The following SLC24A2 variants were observed in gnomAD, a reference collection of about 807,000 sequenced individuals.
SLC24A2 encodes the protein solute carrier family 24 member 2.
In SLC24A2, 36 loss-of-function variants were observed where a neutral mutation model predicts 62.0. That is an observed-to-expected ratio of 0.58 (90% CI 0.44 to 0.77). SLC24A2 has a LOEUF of 0.77. SLC24A2 is among the 30% of genes least tolerant of loss of function. SLC24A2 has a pLI of 0.00. For synonymous variants in SLC24A2, 358 were observed against 294.0 expected (o/e 1.22, Z -2.23); for missense variants, 846 against 817.9 (o/e 1.03, Z -0.42).
rs1487837294 is a variant in SLC24A2 at position 19,568,902 on chromosome 9, T to C, written c.1347+4449A>G. Among the ~76,000 whole-genome samples, 3 of 152,318 alleles carry C rather than the reference T, an allele frequency of 2.0e-5. No homozygotes were observed. In the East Asian group the frequency reaches 5.8e-4, roughly 29 times the overall value. ...TGGAAGTAAGTAACATGACTAGTTA[T>C]TTGACAGCATTCCAAGCAAATGTTT... On this transcript the variant is annotated intron_variant, in intron 7 of 10. Coordinates refer to ENST00000341998, the MANE Select transcript of SLC24A2 (RefSeq NM_020344.4).
the SLC24A2 span, among the ~76,000 whole-genome samples, chr9:20,056,988 G>A: frequency 1.1e-4 from 16 of 152,272 alleles, no homozygotes; most frequent in South Asian, 2.1e-4. Flanking sequence ...GAGAAATTCT[G>A]TCTCCCTAAA....
the SLC24A2 span, among the ~76,000 whole-genome samples, chr9:19,811,316 G>A: frequency 3.3e-5 from 5 of 152,102 alleles, no homozygotes. Context: ...CTGTTTAGAA[G>A]CTACCCAGTC....
the SLC24A2 span, among the ~76,000 whole-genome samples, chr9:20,295,311 G>T: frequency 6.6e-6 from 1 of 152,106 alleles, no homozygotes; most frequent in South Asian, 2.1e-4. Context: ...TGTACACAGA[G>T]CTGCATCATA....
the SLC24A2 span, among the ~76,000 whole-genome samples, chr9:19,939,436 A>G: frequency 1.3e-5 from 2 of 152,248 alleles, no homozygotes; most frequent in Admixed American, 1.3e-4. Context: ...GATTCTAAAC[A>G]TATTTAAACA....
the SLC24A2 span, among the ~76,000 whole-genome samples, chr9:20,041,177 C>T: frequency 3.0e-3 from 447 of 149,564 alleles, no homozygotes; most frequent in Non-Finnish European, 4.9e-3. Flanking sequence ...CACGTGTGCG[C>T]GCAGAAGCAT....
intron 2 of SLC24A2, among the ~76,000 whole-genome samples, chr9:19,759,103 T>C (rs192519461): frequency 6.6e-6 from 1 of 152,316 alleles, no homozygotes; most frequent in East Asian, 1.9e-4. Flanking sequence ...TCCTGCTGTT[T>C]ACAAAGAAGA....
chr9:20,009,352 T>G, the SLC24A2 span, among the ~76,000 whole-genome samples: 1 of 148,124 alleles, frequency 6.8e-6, no homozygotes, highest in East Asian at 2.1e-4. Flanking sequence ...GTTGCTGCAT[T>G]CTAGCCTGGG....
the SLC24A2 span, among the ~76,000 whole-genome samples, chr9:19,997,364 C>T: frequency 6.6e-6 from 1 of 152,150 alleles, no homozygotes; most frequent in African/African-American, 2.4e-5. Context: ...AGTAAGTTTA[C>T]TTTACAGTTT....
At chr9:19,524,853 G>A (rs947774729) in intron 9 of SLC24A2, among the ~76,000 whole-genome samples, 1 of 152,068 alleles carries the variant, frequency 6.6e-6, no homozygotes, top group Non-Finnish European at 1.5e-5. Flanking sequence ...GAAAAAGATG[G>A]AACCCTGCAT....
At chr9:19,648,388 C>T (rs964681226) in intron 2 of SLC24A2, among the ~76,000 whole-genome samples, 1 of 152,148 alleles carries the variant, frequency 6.6e-6, no homozygotes. Context: ...ACCCCTAAAT[C>T]CCCTGAAATC....
At chr9:20,112,344 C>T in the SLC24A2 span, among the ~76,000 whole-genome samples, 5 of 152,164 alleles carry the variant, frequency 3.3e-5, no homozygotes, top group African/African-American at 1.2e-4. Context: ...ATTTGCTGGT[C>T]TGTTTAAAAC....
chr9:19,512,717 T>C lies in SLC24A2; in HGVS notation c.*3436A>G, dbSNP rs372341797. 1.3e-5 allele frequency: 2 copies of C among 152,214 alleles called. No individual in the cohort carries two copies. The highest frequency in any genetic ancestry group is 4.8e-5 in the African/African-American group (2 of 41,446). 9.4% of individuals were successfully genotyped at this position (152,214 alleles called of 1,614,324 possible). A position where few individuals can be genotyped will look rare whatever the true frequency, so the allele number is the denominator to read the frequency against. On this transcript the variant is annotated 3_prime_UTR_variant, in exon 11 of 11. Coordinates refer to ENST00000341998, the MANE Select transcript of SLC24A2 (RefSeq NM_020344.4). ...GGTTTGCTGTGAATAAATGAAATCA[T>C]TTGCGTGCAACTCATTTATTTTAGA... is the stretch of plus-strand genomic sequence containing the variant.
At chr9:20,124,923 G>A in the SLC24A2 span, among the ~76,000 whole-genome samples, 1 of 152,162 alleles carries the variant, frequency 6.6e-6, no homozygotes, top group Non-Finnish European at 1.5e-5. Context: ...AACATATGCT[G>A]AACACAGCTG....
At chr9:19,735,501 T>C (rs893471049) in intron 2 of SLC24A2, among the ~76,000 whole-genome samples, 17 of 152,220 alleles carry the variant, frequency 1.1e-4, no homozygotes, top group Admixed American at 2.6e-4. Flanking sequence ...GCCATCCCAT[T>C]ACTGGGTATA....
chr9:19,935,392 CAAAT>C, the SLC24A2 span, among the ~76,000 whole-genome samples: 1 of 140,990 alleles, frequency 7.1e-6, no homozygotes, highest in Non-Finnish European at 1.6e-5. Context: ...AAAAACAAAA[CAAAT>C]AAACAAACAA....
chr9:19,602,146 G>C (rs543105180), intron 4 of SLC24A2, among the ~76,000 whole-genome samples: 71 of 152,310 alleles, frequency 4.7e-4, no homozygotes, highest in African/African-American at 1.7e-3. Flanking sequence ...TGACTTTGTA[G>C]TAAGATAGCC....
At chr9:19,675,387 G>T (rs1032806836) in intron 2 of SLC24A2, among the ~76,000 whole-genome samples, 1 of 152,262 alleles carries the variant, frequency 6.6e-6, no homozygotes, top group African/African-American at 2.4e-5. Context: ...AGTATAGGGA[G>T]GATCAGGTGG....
chr9:20,252,440 C>A, the SLC24A2 span, among the ~76,000 whole-genome samples: 1 of 152,160 alleles, frequency 6.6e-6, no homozygotes, highest in African/African-American at 2.4e-5. Context: ...AGAGGTGGGA[C>A]AGGATGCCAT....
chr9:19,951,406 A>G, the SLC24A2 span, among the ~76,000 whole-genome samples: 1 of 152,094 alleles, frequency 6.6e-6, no homozygotes, highest in African/African-American at 2.4e-5. Context: ...GTTCGTACGT[A>G]TATATGTTCT....
Sources: allele counts gnomAD v4.1 joint callset (sites outside exome capture counted in the v4.1 genomes callset), GRCh38; gene constraint gnomAD v4.1.1; transcripts MANE v1.5; gene names NCBI Gene and HGNC (gene_info 2026-07-23, HGNC 2026-07-21).